The following NIPBL variants were observed in gnomAD, a reference collection of about 807,000 sequenced individuals.
NIPBL encodes the protein NIPBL cohesin loading factor, also known as nipped-B-like protein.
NIPBL carries 19 observed loss-of-function variants against 321.8 expected under a neutral mutation model. The observed-to-expected ratio is 0.06, with a 90% CI of 0.04 to 0.09. The LOEUF (loss-of-function observed/expected upper bound fraction) is 0.09, where lower values mean the gene tolerates loss of function less well. Ranked by LOEUF, NIPBL falls within the 10% of genes least tolerant of loss-of-function variation. The probability of loss-of-function intolerance (pLI) is 1.00; values close to 1 mark genes in which losing one functional copy is unlikely to be tolerated. For synonymous variants in NIPBL, 1,106 were observed against 1,114.1 expected (o/e 0.99, Z 0.14); for missense variants, 2,210 against 3,327.0 (o/e 0.66, Z 8.26).
intron 21 of NIPBL, among the ~76,000 whole-genome samples, chr5:37,010,550 C>CCCTCCTCAG (rs1747999703): frequency 6.6e-6 from 1 of 152,006 alleles, no homozygotes; most frequent in Admixed American, 6.6e-5. Flanking sequence ...TCATGATCCA[C>CCCTCCTCAG]CCTCCTCAGC....
At chr5:36,959,858 A>T (rs1741410174) in intron 4 of NIPBL, among the ~76,000 whole-genome samples, 1 of 152,184 alleles carries the variant, frequency 6.6e-6, no homozygotes. Flanking sequence ...GTAAAAGCAT[A>T]AACTAGCATT....
intron 40 of NIPBL, among the ~76,000 whole-genome samples, chr5:37,049,924 T>G (rs1332359622): frequency 6.6e-6 from 1 of 152,188 alleles, no homozygotes; most frequent in Non-Finnish European, 1.5e-5. Flanking sequence ...ATTTTTATTT[T>G]GGGTATTTTT....
intron 29 of NIPBL, 27 bp from the exon 30 acceptor site, chr5:37,024,558 C>T (rs1750044660): frequency 6.3e-7 from 1 of 1,585,782 alleles, no homozygotes; most frequent in Non-Finnish European, 8.6e-7. Context: ...ATTTTTCTGA[C>T]TCTTAAAAAT....
chr5:36,903,004 C>T (rs1354723873), intron 1 of NIPBL, among the ~76,000 whole-genome samples: 1 of 152,000 alleles, frequency 6.6e-6, no homozygotes, highest in Non-Finnish European at 1.5e-5. Context: ...AGCTGTATTC[C>T]TAGGTATCTT....
intron 1 of NIPBL, among the ~76,000 whole-genome samples, chr5:36,935,918 A>G (rs1738368612): frequency 6.6e-6 from 1 of 151,892 alleles, no homozygotes; most frequent in South Asian, 2.1e-4. Context: ...TCTTTCTTCT[A>G]TCTTATATAA....
intron 9 of NIPBL, among the ~76,000 whole-genome samples, chr5:36,981,056 A>G (rs565895857): frequency 4.3e-4 from 65 of 151,794 alleles, no homozygotes; most frequent in African/African-American, 1.6e-3. Context: ...CATTATTTTT[A>G]CTTATTAAAG....
intron 10 of NIPBL, among the ~76,000 whole-genome samples, chr5:36,989,895 A>G (rs1745292465): frequency 6.6e-6 from 1 of 151,076 alleles, no homozygotes; most frequent in Non-Finnish European, 1.5e-5. Flanking sequence ...ACATGCCTTC[A>G]GTGTTATTAA....
intron 32 of NIPBL, 32 bp from the exon 33 acceptor site, chr5:37,036,347 G>GTATATATA (rs10554564): frequency 1.3e-5 from 5 of 384,510 alleles, no homozygotes; most frequent in African/African-American, 1.2e-4. Context: ...ATATATATAT[G>GTATATATA]TATATATATA....
intron 1 of NIPBL, among the ~76,000 whole-genome samples, chr5:36,930,353 A>G (rs1015176112): frequency 3.3e-5 from 5 of 151,810 alleles, no homozygotes; most frequent in African/African-American, 1.2e-4. Context: ...TCATTTTTGC[A>G]TTTTTGCTAG....
At position 37,065,171 on chromosome 5, in the gene NIPBL, T is replaced by TTTC; in HGVS notation, c.*279_*280insTTC. ...AAAAAAACTTTCTGTTTAAAAAAAA[T>TTTC]AAACAAGTGAATGTTGGAAATTAGT... On this transcript the variant is annotated 3_prime_UTR_variant, in exon 47 of 47. Transcript: ENST00000282516. The TTTC allele has an allele frequency of 2.3e-6, 1 of 441,162 alleles. No homozygotes were observed. The highest frequency in any genetic ancestry group is 2.4e-5 in the South Asian group (1 of 41,150). The allele number at this position is 441,162 out of a possible 1,614,324, so 27.3% of individuals were successfully genotyped here. A position where few individuals can be genotyped will look rare whatever the true frequency, so the allele number is the denominator to read the frequency against.
Position 36,915,994 on chromosome 5 carries a change from T to C in NIPBL, c.-79-37624T>C, listed in dbSNP as rs1409792257. On this transcript the variant is annotated intron_variant, in intron 1 of 46. Coordinates refer to ENST00000282516, the MANE Select transcript of NIPBL (RefSeq NM_133433.4). ...ATCTGAAGTCCATTTCTTTAATTCA[T>C]CATTATCTTCAGTGGAAAAAGATAT... Among the ~76,000 whole-genome samples, 4 of 152,344 alleles carry C rather than the reference T, an allele frequency of 2.6e-5. No individual in the cohort carries two copies. In the East Asian group the frequency reaches 5.8e-4, roughly 22 times the overall value.
intron 1 of NIPBL, among the ~76,000 whole-genome samples, chr5:36,912,709 G>A (rs1353516827): frequency 2.0e-5 from 3 of 151,600 alleles, no homozygotes; most frequent in South Asian, 2.1e-4. Flanking sequence ...CCATTTTGTC[G>A]GGCTGGTCTC....
chr5:37,013,142 C>T (rs1255916439), intron 21 of NIPBL, among the ~76,000 whole-genome samples: 8 of 150,544 alleles, frequency 5.3e-5, no homozygotes, highest in South Asian at 2.1e-4. Flanking sequence ...CCTCACCTCC[C>T]GGACGGGGCG....
intron 34 of NIPBL, among the ~76,000 whole-genome samples, chr5:37,039,760 G>A (rs1425058162): frequency 2.0e-5 from 3 of 151,964 alleles, no homozygotes; most frequent in African/African-American, 7.2e-5. Context: ...ACAAGCTCTA[G>A]GTGAAAACCT....
intron 1 of NIPBL, among the ~76,000 whole-genome samples, chr5:36,939,633 A>G (rs1249867669): frequency 1.3e-5 from 2 of 152,180 alleles, no homozygotes; most frequent in Non-Finnish European, 2.9e-5. Flanking sequence ...AGACTGGGTA[A>G]TTTATAAAAA....
chr5:37,052,208 T>G (rs1274695429), intron 41 of NIPBL, among the ~76,000 whole-genome samples, 158 bp from the exon 42 acceptor site: 2 of 152,136 alleles, frequency 1.3e-5, no homozygotes, highest in Non-Finnish European at 2.9e-5. Context: ...TTGTAAGAGA[T>G]AATCTCTAAT....
intron 32 of NIPBL, 64 bp from the exon 33 acceptor site, chr5:37,036,315 G>A (rs1462391940): frequency 2.8e-6 from 1 of 352,336 alleles, no homozygotes. Context: ...TAATTATACC[G>A]GGATTTTTTT....
intron 6 of NIPBL, among the ~76,000 whole-genome samples, chr5:36,963,944 A>C (rs1741916069): frequency 6.6e-6 from 1 of 152,212 alleles, no homozygotes. Flanking sequence ...TGGAGGAAAA[A>C]TGTCAAAAGA....
chr5:37,014,220 T>TGGAGAGGGAGAGGGAGAGGGAGAA (rs1348075461), intron 21 of NIPBL, among the ~76,000 whole-genome samples: 6 of 149,208 alleles, frequency 4.0e-5, no homozygotes, highest in African/African-American at 7.4e-5. Flanking sequence ...AGGGAGACCG[T>TGGAGAGGGAGAGGGAGAGGGAGAA]GGAGAGGGAG....
Sources: gnomAD v4.1 joint callset for allele counts (sites outside exome capture counted in the v4.1 genomes callset) on GRCh38, gnomAD v4.1.1 for gene constraint, MANE v1.5 for transcripts, NCBI Gene and HGNC (gene_info 2026-07-23, HGNC 2026-07-21) for gene names.